Variants in CHST9 observed in about 807,000 individuals in gnomAD.
CHST9 encodes the protein GalNAc-4-sulfotransferase 2.
CHST9 carries 41 observed loss-of-function variants against 44.4 expected under a neutral mutation model. The observed-to-expected ratio is 0.92, with a 90% CI of 0.72 to 1.20. CHST9 has a LOEUF of 1.20. Among genes scored for constraint, CHST9 ranks in the 50% most tolerant of loss-of-function variants. CHST9 has a pLI of 0.00. For missense variants in CHST9, 504 were observed against 516.5 expected, an observed-to-expected ratio of 0.98 and a Z score of 0.23; for synonymous variants, 171 against 178.4, an observed-to-expected ratio of 0.96 and a Z score of 0.33.
chr18:27,074,840 A>G (rs2143658932), intron 2 of CHST9, among the ~76,000 whole-genome samples: 1 of 147,994 alleles, frequency 6.8e-6, no homozygotes, highest in South Asian at 2.1e-4. Context: ...ATACATTATA[A>G]TTATATAAAT....
At position 27,056,841 on chromosome 18, in the gene CHST9, T is replaced by C. The variant is rs988108306; in HGVS notation, c.122-8338A>G. Reference sequence around the variant, plus strand: ...TCACCTCCCTCTCTTCCCTTCTTTTTGTTTCCAAGGAAAAAGGGGCTTCCC... The same window carrying C: ...TCACCTCCCTCTCTTCCCTTCTTTTCGTTTCCAAGGAAAAAGGGGCTTCCC... On this transcript the variant is annotated intron_variant, in intron 2 of 5. Transcript: ENST00000618847. Among the ~76,000 whole-genome samples, 17 of 152,334 alleles carry C rather than the reference T, an allele frequency of 1.1e-4. No homozygotes were observed. The East Asian group carries it at 3.3e-3, about 29-fold the overall frequency.
At chr18:27,173,159 C>T (rs138738272) in intron 1 of CHST9, among the ~76,000 whole-genome samples, 1 of 151,870 alleles carries the variant, frequency 6.6e-6, no homozygotes, top group African/African-American at 2.4e-5. Context: ...GTCATAGAAC[C>T]TGTACTTGAT....
chr18:27,032,193 C>T (rs768290382), intron 3 of CHST9, among the ~76,000 whole-genome samples: 2 of 152,108 alleles, frequency 1.3e-5, no homozygotes, highest in Non-Finnish European at 2.9e-5. Context: ...AGGGAAGGCT[C>T]TTTGTCTCTG....
At chr18:26,945,923 T>A (rs1297525005) in intron 4 of CHST9, among the ~76,000 whole-genome samples, 2 of 152,126 alleles carry the variant, frequency 1.3e-5, no homozygotes, top group Admixed American at 6.5e-5. Flanking sequence ...AAAAATTTTG[T>A]TAAGTATTCA....
intron 2 of CHST9, 108 bp downstream of exon 2, chr18:27,142,581 G>C (rs777854753): frequency 3.8e-6 from 3 of 786,328 alleles, no homozygotes; most frequent in Non-Finnish European, 3.5e-6. Context: ...ATTTTTTGTT[G>C]TTGAAAATAT....
At position 27,106,275 on chromosome 18, in the gene CHST9, C is replaced by T. The variant is rs192318729; in HGVS notation, c.121+36414G>A. 9.8e-4 allele frequency among the ~76,000 whole-genome samples: 149 copies of T among 152,218 alleles called. 1 individual carries two copies. The highest frequency in any genetic ancestry group is 3.4e-3 in the African/African-American group (141 of 41,556). On this transcript the variant is annotated intron_variant, in intron 2 of 5. Coordinates refer to ENST00000618847, the MANE Select transcript of CHST9 (RefSeq NM_031422.6). Reference sequence around the variant, plus strand: ...AAAGACAGTCCCATGCTGTGTGGGACTAATTCTAAGAGTAAAATTAGTTGA... The same window carrying T: ...AAAGACAGTCCCATGCTGTGTGGGATTAATTCTAAGAGTAAAATTAGTTGA...
At chr18:27,138,511 T>A (rs1229241824) in intron 2 of CHST9, among the ~76,000 whole-genome samples, 1 of 152,112 alleles carries the variant, frequency 6.6e-6, no homozygotes, top group Non-Finnish European at 1.5e-5. Context: ...ATTTTTTTTT[T>A]AAACCTTACT....
At chr18:26,930,528 C>T (rs1443776139) in intron 5 of CHST9, 1 of 152,800 alleles carries the variant, frequency 6.5e-6, no homozygotes, top group South Asian at 2.1e-4. Context: ...ATTTCATTAA[C>T]TCTAAGTTTT....
intron 1 of CHST9, among the ~76,000 whole-genome samples, chr18:27,162,494 G>A (rs2058755518): frequency 6.6e-6 from 1 of 152,112 alleles, no homozygotes; most frequent in Non-Finnish European, 1.5e-5. Flanking sequence ...AGTCTGATGG[G>A]CTTCCCTTTG....
intron 4 of CHST9, among the ~76,000 whole-genome samples, chr18:26,978,093 T>C (rs1337947078): frequency 6.6e-6 from 1 of 151,924 alleles, no homozygotes; most frequent in African/African-American, 2.4e-5. Flanking sequence ...CCTGTGGTTT[T>C]TTTTTTTCTC....
At position 26,916,800 on chromosome 18, in the gene CHST9, T is replaced by C. The variant is rs911543051; in HGVS notation, c.791A>G (p.Lys264Arg). 3.1e-6 allele frequency: 5 copies of C among 1,613,728 alleles called. No homozygotes were observed. The highest frequency in any genetic ancestry group is 4.2e-6 in the Non-Finnish European group (5 of 1,179,838). Residue 264 changes from lysine to arginine, a missense_variant, in exon 6 of 6, where the codon AAA becomes AGA. Physicochemically the swap from Lys to Arg is conservative, Grantham distance 26. Coordinates refer to ENST00000618847, the MANE Select transcript of CHST9 (RefSeq NM_031422.6). Reference sequence around the variant, plus strand: ...AGTATTTAAGCGGGTATATATCCCTTTTAGGTCAAAGCTATCTAGCTTCTT... The same window carrying C: ...AGTATTTAAGCGGGTATATATCCCTCTTAGGTCAAAGCTATCTAGCTTCTT... ...HLKKLDSFDL[K>R]GIYTRLNTYT... is the part of the protein sequence containing the mutation.
intron 1 of CHST9, among the ~76,000 whole-genome samples, chr18:27,180,951 T>G (rs889968753): frequency 8.6e-5 from 13 of 151,968 alleles, no homozygotes; most frequent in Non-Finnish European, 1.6e-4. Context: ...ATGTCATGCC[T>G]TACAAAAAAT....
intron 4 of CHST9, among the ~76,000 whole-genome samples, chr18:26,992,979 AC>A (rs1170045201): frequency 1.3e-5 from 2 of 152,210 alleles, no homozygotes; most frequent in Non-Finnish European, 2.9e-5. Flanking sequence ...GCAGGCAGAC[AC>A]CCTAAATGCA....
chr18:26,914,882 G>T lies in CHST9; in HGVS notation c.*1377C>A, dbSNP rs2055491006. The T allele has an allele frequency of 2.5e-6, 1 of 397,758 alleles. No individual in the cohort carries two copies. The highest frequency in any genetic ancestry group is 3.6e-5 in the East Asian group (1 of 27,994). The allele number at this position is 397,758 out of a possible 1,614,324, so 24.6% of individuals were successfully genotyped here. ...TGTTCAGGAAAAGCATTTAAGCAGG[G>T]TTTGAAAGACTTGTGATTTTCTTAA... On this transcript the variant is annotated 3_prime_UTR_variant, in exon 6 of 6. Coordinates refer to ENST00000618847, the MANE Select transcript of CHST9 (RefSeq NM_031422.6).
chr18:26,946,929 T>C (rs911796040), intron 4 of CHST9, among the ~76,000 whole-genome samples: 2 of 152,186 alleles, frequency 1.3e-5, no homozygotes, highest in African/African-American at 4.8e-5. Flanking sequence ...AGCCTTGTAG[T>C]ACAGTTTGAA....
At chr18:26,963,528 G>A (rs540298960) in intron 4 of CHST9, among the ~76,000 whole-genome samples, 1 of 151,026 alleles carries the variant, frequency 6.6e-6, no homozygotes, top group African/African-American at 2.4e-5. Flanking sequence ...CAGAGCCCTA[G>A]GGTGCTGGGC....
intron 4 of CHST9, among the ~76,000 whole-genome samples, chr18:26,950,970 A>G (rs2056238445): frequency 6.6e-6 from 1 of 152,202 alleles, no homozygotes; most frequent in Non-Finnish European, 1.5e-5. Flanking sequence ...TTAAAGAGGG[A>G]AAAAATAAAA....
intron 2 of CHST9, among the ~76,000 whole-genome samples, chr18:27,134,356 TA>T (rs2058496576): frequency 6.6e-6 from 1 of 152,010 alleles, no homozygotes; most frequent in African/African-American, 2.4e-5. Flanking sequence ...GAAAAAGCAA[TA>T]AGGTGGCTTT....
intron 1 of CHST9, among the ~76,000 whole-genome samples, chr18:27,167,395 A>G (rs2058798956): frequency 6.6e-6 from 1 of 152,082 alleles, no homozygotes; most frequent in Admixed American, 6.5e-5. Context: ...CCATCTCCAT[A>G]TCCATCAATT....
Sources: gnomAD v4.1 joint callset for allele counts (sites outside exome capture counted in the v4.1 genomes callset) on GRCh38, gnomAD v4.1.1 for gene constraint, MANE v1.5 for transcripts, NCBI Gene and HGNC (gene_info 2026-07-23, HGNC 2026-07-21) for gene names.